The following COMMD6 variants were observed in gnomAD, a reference collection of about 807,000 sequenced individuals.
The protein encoded by COMMD6 is COMM domain containing 6, also known as COMM domain-containing protein 6.
COMMD6 carries 11 observed loss-of-function variants against 13.4 expected under a neutral mutation model. That is an observed-to-expected ratio of 0.82 (90% CI 0.52 to 1.36). COMMD6 has a LOEUF of 1.36. Ranked by LOEUF, COMMD6 falls within the 40% of genes most tolerant of loss-of-function variation. The pLI is 0.00. For missense variants in COMMD6, 124 were observed against 102.4 expected, an observed-to-expected ratio of 1.21 and a Z score of -0.91; for synonymous variants, 43 against 36.5, an observed-to-expected ratio of 1.18 and a Z score of -0.64.
At chr13:75,532,704 G>A (rs1365137240) in intron 2 of COMMD6, among the ~76,000 whole-genome samples, 3 of 152,120 alleles carry the variant, frequency 2.0e-5, no homozygotes, top group Admixed American at 2.0e-4. Flanking sequence ...GGTGGCACAC[G>A]CCTGTAGTCT....
At chr13:75,527,586 T>C (rs970221306) in intron 3 of COMMD6, among the ~76,000 whole-genome samples, 10 of 152,270 alleles carry the variant, frequency 6.6e-5, no homozygotes, top group African/African-American at 2.2e-4. Flanking sequence ...TTGTGTATAT[T>C]TATATTTAAT....
chr13:75,532,631 A>G (rs894289350), intron 2 of COMMD6, among the ~76,000 whole-genome samples: 5 of 152,176 alleles, frequency 3.3e-5, no homozygotes, highest in Non-Finnish European at 7.4e-5. Context: ...GGAGATCAGA[A>G]TCATCCTGGC....
intron 1 of COMMD6, among the ~76,000 whole-genome samples, chr13:75,544,728 A>G (rs1448279410): frequency 1.3e-5 from 2 of 152,042 alleles, no homozygotes; most frequent in African/African-American, 4.8e-5. Flanking sequence ...GCGCTACTGC[A>G]CTCCTAGGCA....
chr13:75,541,510 C>T (rs563160499), upstream of COMMD6, among the ~76,000 whole-genome samples: 2 of 152,088 alleles, frequency 1.3e-5, no homozygotes, highest in Admixed American at 1.3e-4. Flanking sequence ...GAGGAAGCTG[C>T]CCGTTCATCT....
At chr13:75,536,194 A>C (rs1159750075) in intron 2 of COMMD6, among the ~76,000 whole-genome samples, 1 of 152,210 alleles carries the variant, frequency 6.6e-6, no homozygotes, top group Non-Finnish European at 1.5e-5. Context: ...TCATGTTATA[A>C]ATGACATCTT....
chr13:75,530,432 A>G (rs1344005965), intron 2 of COMMD6, 166 bp from the exon 3 acceptor site: 1 of 505,498 alleles, frequency 2.0e-6, no homozygotes, highest in Non-Finnish European at 3.4e-6. Context: ...AATCAAATGA[A>G]AAAATGGAGA....
At chr13:75,547,959 A>C (rs937445266) in intron 1 of COMMD6, among the ~76,000 whole-genome samples, 1 of 152,234 alleles carries the variant, frequency 6.6e-6, no homozygotes, top group Non-Finnish European at 1.5e-5. Flanking sequence ...CTAGCAAGAC[A>C]GTGCTCTGCA....
chr13:75,528,712 C>T (rs1412406772), intron 3 of COMMD6, among the ~76,000 whole-genome samples: 1 of 151,796 alleles, frequency 6.6e-6, no homozygotes, highest in East Asian at 1.9e-4. Context: ...CGTGGTGCTG[C>T]GTGCCTGTAA....
In COMMD6 at chr13:75,530,258, A is replaced by C. The variant is rs1393241412; in HGVS notation, c.63T>G (p.Asp21Glu). 2 of 1,609,856 alleles carry C rather than the reference A, an allele frequency of 1.2e-6. No homozygotes were observed. Among genetic ancestry groups the C allele is most frequent in the Non-Finnish European group, 1.7e-6 (2 of 1,178,388 alleles). Reference sequence around the variant, plus strand: ...CAGCCATACCCAGTTTCCACTGAAAATCTACAAGCTTTAATAAGACAGGAC... The same window carrying C: ...CAGCCATACCCAGTTTCCACTGAAACTCTACAAGCTTTAATAAGACAGGAC... ...AKSDVTNQLV[D>E]FQWKLGMAVS... The change falls in exon 3 of 4, where the codon GAT (aspartate) becomes GAG (glutamate). Residue 21 changes from aspartate to glutamate, a missense_variant. Coordinates refer to ENST00000682242, the MANE Select transcript of COMMD6 (RefSeq NM_203495.4).
rs143909466 is a variant in COMMD6 at position 75,536,356 on chromosome 13, A to G, written c.54+1308T>C. 8.9e-4 allele frequency among the ~76,000 whole-genome samples: 135 copies of G among 152,352 alleles called. 3 individuals are homozygous for G. The East Asian group carries it at 0.018, about 20-fold the overall frequency. On this transcript the variant is annotated intron_variant, in intron 2 of 3. Coordinates refer to ENST00000682242, the MANE Select transcript of COMMD6 (RefSeq NM_203495.4). ...TCATATAATCTGTGAATGACTGCAT[A>G]GAAGGATGTGCAGTAGGCTGAATAA...
intron 2 of COMMD6, among the ~76,000 whole-genome samples, chr13:75,536,078 G>A (rs2030653442): frequency 2.0e-5 from 3 of 152,008 alleles, no homozygotes; most frequent in Admixed American, 2.0e-4. Flanking sequence ...ATAGAGATAA[G>A]GTCTTGCTAT....
intron 2 of COMMD6, among the ~76,000 whole-genome samples, chr13:75,534,313 TA>T (rs2030589542): frequency 6.6e-6 from 1 of 152,152 alleles, no homozygotes. Flanking sequence ...CACTCACTAT[TA>T]AAACAGTGAA....
chr13:75,543,358 T>C (rs931896412), upstream of COMMD6, among the ~76,000 whole-genome samples: 4 of 152,042 alleles, frequency 2.6e-5, no homozygotes, highest in African/African-American at 9.7e-5. Context: ...ACAGCTGGAA[T>C]AGGAAAGAAA....
chr13:75,529,172 C>T lies in COMMD6; in HGVS notation c.207+942G>A, dbSNP rs1185535796. 3.3e-5 allele frequency among the ~76,000 whole-genome samples: 5 copies of T among 152,210 alleles called. No individual in the cohort carries two copies. The East Asian group carries it at 9.7e-4, about 29-fold the overall frequency. ...CCAAAAGGAACAAACCAAACAAAAA[C>T]AAAACTGTACAGGACAGTTAAATTA... On this transcript the variant is annotated intron_variant, in intron 3 of 3. Transcript: ENST00000682242.
upstream of COMMD6, among the ~76,000 whole-genome samples, chr13:75,542,749 A>C (rs1328282186): frequency 6.6e-6 from 1 of 152,234 alleles, no homozygotes; most frequent in Non-Finnish European, 1.5e-5. Flanking sequence ...GTCCTTAAAG[A>C]TGAAAGGTAG....
At chr13:75,527,977 T>TA in intron 3 of COMMD6, 4 of 1,136,896 alleles carry the variant, frequency 3.5e-6, no homozygotes, top group Non-Finnish European at 4.6e-6. Flanking sequence ...TGAAATTTGC[T>TA]AAAAAACATT....
intron 2 of COMMD6, among the ~76,000 whole-genome samples, chr13:75,535,399 C>A (rs1354220292): frequency 6.6e-6 from 1 of 152,144 alleles, no homozygotes; most frequent in Non-Finnish European, 1.5e-5. Context: ...ATCCAGACCG[C>A]CAGGTGAGGC....
At position 75,525,993 on chromosome 13, in the gene COMMD6, G is replaced by GT. The variant is rs879375126; in HGVS notation, c.*595dup. On this transcript the variant is annotated 3_prime_UTR_variant, in exon 4 of 4. Transcript: ENST00000682242. ...CTAAAACTCGTCTTTCCAACTCTGC[G>GT]TATGTATTTGAACTTTCTACAACCA... 2 of 152,160 alleles carry GT rather than the reference G, an allele frequency of 1.3e-5. No individual in the cohort carries two copies. The highest frequency in any genetic ancestry group is 2.9e-5 in the Non-Finnish European group (2 of 68,038). 9.4% of individuals were successfully genotyped at this position (152,160 alleles called of 1,614,324 possible). A position where few individuals can be genotyped will look rare whatever the true frequency, so the allele number is the denominator to read the frequency against.
At chr13:75,544,036 C>T (rs1335260561) in intron 1 of COMMD6, among the ~76,000 whole-genome samples, 1 of 142,760 alleles carries the variant, frequency 7.0e-6, no homozygotes, top group Admixed American at 7.2e-5. Flanking sequence ...TCCTCAGCTA[C>T]TTTCTGCTAA....
Sources: gnomAD v4.1 joint callset for allele counts (sites outside exome capture counted in the v4.1 genomes callset) on GRCh38, gnomAD v4.1.1 for gene constraint, MANE v1.5 for transcripts, NCBI Gene and HGNC (gene_info 2026-07-23, HGNC 2026-07-21) for gene names.